Variants in FAM20A observed in about 807,000 individuals in gnomAD.
FAM20A encodes pseudokinase FAM20A.
Under a neutral mutation model 52.0 loss-of-function variants are expected in FAM20A, and 42 were observed. That is an observed-to-expected ratio of 0.81 (90% CI 0.63 to 1.04). The LOEUF is 1.04. Among genes scored for constraint, FAM20A ranks in the 50% least tolerant of loss-of-function variants. The probability of loss-of-function intolerance (pLI) is 0.00; values close to 1 mark genes in which losing one functional copy is unlikely to be tolerated. For synonymous variants in FAM20A, 304 were observed against 298.9 expected (o/e 1.02, Z -0.18); for missense variants, 742 against 712.7 (o/e 1.04, Z -0.47).
intron 3 of FAM20A, 71 bp from the exon 4 acceptor site, chr17:68,552,022 A>G: frequency 1.0e-6 from 1 of 980,830 alleles, no homozygotes; most frequent in Non-Finnish European, 1.6e-6. Flanking sequence ...CTGTTCCTTC[A>G]ATAAGCCCAG....
intron 3 of FAM20A, among the ~76,000 whole-genome samples, chr17:68,552,466 C>T (rs1416397332): frequency 6.6e-6 from 1 of 152,014 alleles, no homozygotes; most frequent in Non-Finnish European, 1.5e-5. Flanking sequence ...GGGACCAGGG[C>T]TTGGCAAGTG....
chr17:68,552,665 C>CTTTTTTTTTTTTTTTT lies in FAM20A; in HGVS notation c.641-715_641-714insAAAAAAAAAAAAAAAA, dbSNP rs1568739140. 2.7e-5 allele frequency among the ~76,000 whole-genome samples: 3 copies of CTTTTTTTTTTTTTTTT among 109,970 alleles called. 1 individual carries two copies. The highest frequency in any genetic ancestry group is 2.1e-4 in the Admixed American group (2 of 9,506). The allele number at this position is 109,970 out of a possible 152,430, so 72.1% of individuals were successfully genotyped here. The stretch of plus-strand genomic sequence containing the variant: ...CTGGAGCCCTGTAAACCTTTATTTT[C>CTTTTTTTTTTTTTTTT]CTTTTTTTTTTTTTTTTTTTTTTTT... On this transcript the variant is annotated intron_variant, in intron 3 of 10. Coordinates refer to ENST00000592554, the MANE Select transcript of FAM20A (RefSeq NM_017565.4).
At chr17:68,582,780 A>ATTT (rs34025800) in intron 1 of FAM20A, among the ~76,000 whole-genome samples, 2,194 of 79,848 alleles carry the variant, frequency 0.027, 282 homozygotes, top group Non-Finnish European at 0.035. Context: ...GCCAGGATTA[A>ATTT]TTTTTTTTTT....
chr17:68,551,106 G>C (rs549246445), intron 4 of FAM20A: 1 of 1,234,314 alleles, frequency 8.1e-7, no homozygotes, highest in Non-Finnish European at 1.0e-6. Flanking sequence ...TCTCAAGGAG[G>C]AGCATTCCCC....
intron 1 of FAM20A, among the ~76,000 whole-genome samples, chr17:68,562,208 A>G (rs2087234395): frequency 6.6e-6 from 1 of 152,232 alleles, no homozygotes; most frequent in African/African-American, 2.4e-5. Flanking sequence ...AATGATTTGC[A>G]CAACTGTGCA....
chr17:68,557,593 T>C (rs1598030453), intron 1 of FAM20A: 1 of 152,320 alleles, frequency 6.6e-6, no homozygotes, highest in Non-Finnish European at 1.5e-5. Context: ...TCCAGAACTG[T>C]GAGAAATACA....
intron 4 of FAM20A, among the ~76,000 whole-genome samples, chr17:68,546,280 C>G (rs977465478): frequency 1.3e-5 from 2 of 150,966 alleles, no homozygotes; most frequent in South Asian, 2.1e-4. Context: ...TTCTAGTTCT[C>G]TTTTATTTCC....
At chr17:68,538,002 A>T (rs1042324404) in intron 10 of FAM20A, among the ~76,000 whole-genome samples, 2 of 152,200 alleles carry the variant, frequency 1.3e-5, no homozygotes, top group Non-Finnish European at 2.9e-5. Context: ...ATGCTGGGCT[A>T]TATGCATTTT....
Position 68,543,694 on chromosome 17 carries a change from C to A in FAM20A, c.747G>T (p.Val249=). Residue 249 remains valine (V), a synonymous_variant, in exon 5 of 11, where the codon GTG becomes GTT. Transcript: ENST00000592554. Reference sequence around the variant, plus strand: ...GAAAGTCAATGAAGTAGAAGAAGTCCACTGGTGTCTCCTCATCTCGCTGCT... The same window carrying A: ...GAAAGTCAATGAAGTAGAAGAAGTCAACTGGTGTCTCCTCATCTCGCTGCT... ...MRQQRDEETP[V]DFFYFIDFQR... 6.2e-7 allele frequency: 1 copy of A among 1,614,122 alleles called. No homozygotes were observed. Among genetic ancestry groups the A allele is most frequent in the South Asian group, 1.1e-5 (1 of 91,076 alleles).
intron 1 of FAM20A, among the ~76,000 whole-genome samples, chr17:68,599,761 G>T (rs2088558243): frequency 6.6e-6 from 1 of 152,180 alleles, no homozygotes; most frequent in Non-Finnish European, 1.5e-5. Flanking sequence ...AAAGAACTGG[G>T]TTTTGGGGAG....
Position 68,600,445 on chromosome 17 carries a change from G to C in FAM20A, c.222C>G (p.Thr74=). 1.2e-6 allele frequency: 2 copies of C among 1,611,104 alleles called. No individual in the cohort carries two copies. The highest frequency in any genetic ancestry group is 1.7e-6 in the Non-Finnish European group (2 of 1,178,924). ...PGTIVHNFSR[T]EPRTEPAGGS... is the part of the protein sequence containing the mutation. ...CGCCAGCCGGTTCAGTCCGGGGCTC[G>C]GTTCGGGAAAAGTTGTGCACGATCG... Residue 74 remains threonine (T), a synonymous_variant, in exon 1 of 11, where the codon ACC becomes ACG. Transcript: ENST00000592554. The surrounding 1 kb of genome is among the most constrained non-coding windows in gnomAD (Gnocchi z 6.2).
In FAM20A at chr17:68,535,507, T is replaced by C. The variant is rs1248093610; in HGVS notation, c.*1970A>G. ...TGTTTTTACCCAGATATTTTCCCAT[T>C]TCTGTGTGTGATCTCCTGGTTCTTC... On this transcript the variant is annotated 3_prime_UTR_variant, in exon 11 of 11. Transcript: ENST00000592554. The C allele has an allele frequency of 1.3e-5, 6 of 453,964 alleles. No individual in the cohort carries two copies. The East Asian group carries it at 4.2e-4, about 31-fold the overall frequency. The allele number at this position is 453,964 out of a possible 1,614,324, so 28.1% of individuals were successfully genotyped here. A position where few individuals can be genotyped will look rare whatever the true frequency, so the allele number is the denominator to read the frequency against.
At chr17:68,562,619 C>T (rs567649484) in intron 1 of FAM20A, among the ~76,000 whole-genome samples, 1 of 151,962 alleles carries the variant, frequency 6.6e-6, no homozygotes, top group Non-Finnish European at 1.5e-5. Flanking sequence ...CATCCCCCCC[C>T]CTTTTTATTT....
intron 4 of FAM20A, among the ~76,000 whole-genome samples, chr17:68,544,916 GGTT>G (rs1011116674): frequency 1.3e-5 from 2 of 152,074 alleles, no homozygotes; most frequent in African/African-American, 2.4e-5. Flanking sequence ...TAAATTCAAA[GGTT>G]GTTTTTACTT....
In FAM20A at chr17:68,535,543, A is replaced by G. The variant is rs1194503250; in HGVS notation, c.*1934T>C. 1 of 454,092 alleles carries G rather than the reference A, an allele frequency of 2.2e-6. No homozygotes were observed. Among genetic ancestry groups the G allele is most frequent in the African/African-American group, 2.0e-5 (1 of 50,112 alleles). 28.1% of individuals were successfully genotyped at this position (454,092 alleles called of 1,614,324 possible). ...ATCTCCTGGTTCTTCATCCACAGGG[A>G]AGAAACATCTTGAAGCAGGAGAGAC... is the stretch of plus-strand genomic sequence containing the variant. On this transcript the variant is annotated 3_prime_UTR_variant, in exon 11 of 11. Transcript: ENST00000592554.
At chr17:68,544,324 A>G (rs1393639744) in intron 4 of FAM20A, among the ~76,000 whole-genome samples, 2 of 152,092 alleles carry the variant, frequency 1.3e-5, no homozygotes, top group Non-Finnish European at 2.9e-5. Flanking sequence ...TATACATTAA[A>G]TCTCTAATGA....
At chr17:68,546,687 G>A (rs957499297) in intron 4 of FAM20A, among the ~76,000 whole-genome samples, 24 of 151,886 alleles carry the variant, frequency 1.6e-4, no homozygotes, top group African/African-American at 3.4e-4. Context: ...AAAATTATCC[G>A]GGCATGGTGG....
intron 7 of FAM20A, chr17:68,541,440 T>C (rs1275872096): frequency 1.0e-5 from 2 of 197,376 alleles, no homozygotes; most frequent in Non-Finnish European, 2.1e-5. Flanking sequence ...ATCTGTCATG[T>C]CCTCCAGAAA....
Position 68,560,917 on chromosome 17 carries a change from A to G in FAM20A, c.405-5174T>C, listed in dbSNP as rs116780422. 9.7e-3 allele frequency among the ~76,000 whole-genome samples: 1,470 copies of G among 152,324 alleles called. 35 individuals are homozygous for G. The highest frequency in any genetic ancestry group is 0.034 in the African/African-American group (1,395 of 41,570). On this transcript the variant is annotated intron_variant, in intron 1 of 10. Transcript: ENST00000592554. ...CAGTGCATTTTGAGTTTGCATCTCT[A>G]TCTTGTTATGAGGGAAGCAGAACAT... is the stretch of plus-strand genomic sequence containing the variant.
Sources: allele counts gnomAD v4.1 joint callset (sites outside exome capture counted in the v4.1 genomes callset), GRCh38; gene constraint gnomAD v4.1.1; non-coding constraint Gnocchi (gnomAD v3.1); transcripts MANE v1.5; gene names NCBI Gene and HGNC (gene_info 2026-07-23, HGNC 2026-07-21).